The following METTL15 variants were observed in gnomAD, a reference collection of about 807,000 sequenced individuals.
METTL15 encodes 12S rRNA N(4)-cytidine methyltransferase METTL15.
METTL15 carries 34 observed loss-of-function variants against 38.3 expected under a neutral mutation model. The ratio of observed to expected loss-of-function variants is 0.89; its 90% confidence interval spans 0.68 to 1.18. The LOEUF is 1.18. METTL15 is among the 50% of genes most tolerant of loss of function. The probability of loss-of-function intolerance (pLI) is 0.00; values close to 1 mark genes in which losing one functional copy is unlikely to be tolerated. For synonymous variants in METTL15, 162 were observed against 170.9 expected, an observed-to-expected ratio of 0.95 and a Z score of 0.41; for missense variants, 438 against 498.4, an observed-to-expected ratio of 0.88 and a Z score of 1.15.
intron 4 of METTL15, among the ~76,000 whole-genome samples, chr11:28,227,298 AC>A (rs546705598): frequency 6.6e-6 from 1 of 152,018 alleles, no homozygotes; most frequent in South Asian, 2.1e-4. Context: ...TAGACAGAAA[AC>A]AGATAATTTT....
chr11:28,335,608 G>C (rs1182993105), downstream of METTL15, among the ~76,000 whole-genome samples: 1 of 152,132 alleles, frequency 6.6e-6, no homozygotes, highest in African/African-American at 2.4e-5. Context: ...TGATGTCCGG[G>C]TCATGGGAGA....
chr11:28,328,215 G>A, intron 6 of METTL15: 7 of 1,549,450 alleles, frequency 4.5e-6, no homozygotes, highest in Non-Finnish European at 1.8e-6. Flanking sequence ...TCATGTTCCT[G>A]AGAGACCTGG....
intron 6 of METTL15, among the ~76,000 whole-genome samples, chr11:28,441,977 A>G (rs1012441431): frequency 1.3e-5 from 2 of 152,208 alleles, no homozygotes; most frequent in Admixed American, 6.5e-5. Flanking sequence ...AAAGAAGTAG[A>G]TTGTGCAGGT....
In METTL15 at chr11:28,348,130, AC is replaced by A. The variant is rs1404058845; in HGVS notation, c.*190-3959del. On this transcript the variant is annotated intron_variant and NMD_transcript_variant, in intron 3 of 7. Transcript: ENST00000532947. ...AAGATTACGTCCACCAGGTTTCTCTACTTCTTGTTCCCTTTGTAATTAAAAA... is the reference window on the plus strand; with the variant it reads ...AAGATTACGTCCACCAGGTTTCTCTATTCTTGTTCCCTTTGTAATTAAAAA... 2.0e-5 allele frequency among the ~76,000 whole-genome samples: 3 copies of A among 152,220 alleles called. No individual in the cohort carries two copies. The East Asian group carries it at 5.8e-4, about 29-fold the overall frequency.
intron 6 of METTL15, chr11:28,328,093 A>G: frequency 6.2e-7 from 1 of 1,608,540 alleles, no homozygotes; most frequent in Non-Finnish European, 8.5e-7. Flanking sequence ...TCATATTCTT[A>G]GAATACTCTG....
At chr11:28,194,445 C>T (rs899633327) in intron 3 of METTL15, among the ~76,000 whole-genome samples, 6 of 151,612 alleles carry the variant, frequency 4.0e-5, no homozygotes, top group Admixed American at 4.0e-4. Flanking sequence ...GGTGATGCAC[C>T]TGCCTTGGCC....
intron 5 of METTL15, among the ~76,000 whole-genome samples, chr11:28,418,573 T>C (rs1474589255): frequency 6.6e-6 from 1 of 152,052 alleles, no homozygotes; most frequent in African/African-American, 2.4e-5. Flanking sequence ...GAACACCAAA[T>C]TTAACAACTG....
At chr11:28,513,154 G>A (rs575159183) in intron 6 of METTL15, among the ~76,000 whole-genome samples, 134 of 152,246 alleles carry the variant, frequency 8.8e-4, no homozygotes, top group African/African-American at 3.0e-3. Context: ...TTCCATACTC[G>A]CAGTAAACAT....
At chr11:28,202,524 A>G (rs573115886) in intron 3 of METTL15, among the ~76,000 whole-genome samples, 1 of 152,108 alleles carries the variant, frequency 6.6e-6, no homozygotes, top group East Asian at 1.9e-4. Context: ...ATAATGTAAT[A>G]TCTACCTGTT....
At chr11:28,246,227 A>T (rs1305828346) in intron 4 of METTL15, among the ~76,000 whole-genome samples, 2 of 152,150 alleles carry the variant, frequency 1.3e-5, no homozygotes, top group Non-Finnish European at 2.9e-5. Context: ...TATTTAAGGA[A>T]ATTGATAATT....
chr11:28,146,461 A>T (rs1244517733), intron 3 of METTL15, among the ~76,000 whole-genome samples: 1 of 151,982 alleles, frequency 6.6e-6, no homozygotes, highest in African/African-American at 2.4e-5. Flanking sequence ...TCTTTTGGCA[A>T]CTTGCTTAAT....
chr11:28,244,995 A>G (rs11030262), intron 4 of METTL15, among the ~76,000 whole-genome samples: 70,562 of 152,124 alleles, frequency 0.46, 17,922 homozygotes, highest in Admixed American at 0.56. Flanking sequence ...AATACAAAGC[A>G]GAGCAGGAAA....
rs183946843 is a variant in METTL15, at chr11:28,140,688, A to G, written c.270+27084A>G. Among the ~76,000 whole-genome samples the G allele has an allele frequency of 4.8e-3, 731 of 152,306 alleles. 3 individuals carry two copies. The highest frequency in any genetic ancestry group is 8.8e-3 in the Non-Finnish European group (599 of 68,026). On this transcript the variant is annotated intron_variant, in intron 3 of 6. Coordinates refer to ENST00000407364, the MANE Select transcript of METTL15 (RefSeq NM_001113528.2). ...GAGTAGAATTTATTAGGTGAAAAGGAAAGCTCTCAGCAAAAAGAGGGGTCC... is the reference window on the plus strand; with the variant it reads ...GAGTAGAATTTATTAGGTGAAAAGGGAAGCTCTCAGCAAAAAGAGGGGTCC...
At chr11:28,462,152 G>A (rs923870838) in intron 6 of METTL15, among the ~76,000 whole-genome samples, 18 of 152,042 alleles carry the variant, frequency 1.2e-4, no homozygotes, top group Admixed American at 1.1e-3. Flanking sequence ...GTACCTGTTA[G>A]GGCCAGAGAA....
At chr11:28,449,464 G>C (rs959115133) in intron 6 of METTL15, among the ~76,000 whole-genome samples, 1 of 152,158 alleles carries the variant, frequency 6.6e-6, no homozygotes, top group Non-Finnish European at 1.5e-5. Context: ...GGAAATGAAA[G>C]GTATTCCATG....
intron 3 of METTL15, among the ~76,000 whole-genome samples, chr11:28,193,673 A>G (rs1312391303): frequency 3.3e-5 from 5 of 152,098 alleles, no homozygotes; most frequent in South Asian, 2.1e-4. Context: ...GACATCTCCA[A>G]AGGTTTATCT....
chr11:28,282,746 T>C (rs34351528), intron 4 of METTL15, among the ~76,000 whole-genome samples: 29,280 of 152,120 alleles, frequency 0.19, 3,228 homozygotes, highest in Non-Finnish European at 0.25. Flanking sequence ...TGGAGACATA[T>C]GGTCCATTCA....
At chr11:28,117,352 C>T (rs1314692443) in intron 3 of METTL15, among the ~76,000 whole-genome samples, 5 of 148,712 alleles carry the variant, frequency 3.4e-5, no homozygotes, top group African/African-American at 1.2e-4. Context: ...GTGGCTTGAA[C>T]TTGACTTCTG....
intron 6 of METTL15, among the ~76,000 whole-genome samples, chr11:28,521,792 C>T (rs1851767539): frequency 6.6e-6 from 1 of 152,122 alleles, no homozygotes; most frequent in Non-Finnish European, 1.5e-5. Flanking sequence ...TCTTCAGTAT[C>T]TTTCTTTGCC....
Sources: gnomAD v4.1 joint callset for allele counts (sites outside exome capture counted in the v4.1 genomes callset) on GRCh38, gnomAD v4.1.1 for gene constraint, MANE v1.5 for transcripts, NCBI Gene and HGNC (gene_info 2026-07-23, HGNC 2026-07-21) for gene names.